CDK13: variants seen among roughly 807,000 people sequenced by gnomAD.
The protein encoded by CDK13 is cyclin-dependent kinase 13.
Under a neutral mutation model 137.6 loss-of-function variants are expected in CDK13, and 40 were observed. The ratio of observed to expected loss-of-function variants is 0.29; its 90% confidence interval spans 0.23 to 0.38. CDK13 has a LOEUF of 0.38. Among genes scored for constraint, CDK13 ranks in the 10% least tolerant of loss-of-function variants. The pLI is 1.00. For missense variants in CDK13, 1,704 were observed against 1,951.8 expected, an observed-to-expected ratio of 0.87 and a Z score of 2.39; for synonymous variants, 869 against 760.1, an observed-to-expected ratio of 1.14 and a Z score of -2.36.
intron 1 of CDK13, among the ~76,000 whole-genome samples, chr7:39,958,913 C>T (rs552350787): frequency 6.6e-6 from 1 of 152,176 alleles, no homozygotes; most frequent in African/African-American, 2.4e-5. Flanking sequence ...TGAGTCTCAC[C>T]AACACTTGGA....
intron 5 of CDK13, among the ~76,000 whole-genome samples, chr7:40,004,757 TAAAC>T (rs1468060003): frequency 5.3e-5 from 8 of 152,120 alleles, no homozygotes; most frequent in Admixed American, 2.6e-4. Flanking sequence ...AAGCAAAAGT[TAAAC>T]AATGTAAATA....
intron 1 of CDK13, among the ~76,000 whole-genome samples, chr7:39,971,481 C>T (rs577143495): frequency 6.6e-6 from 1 of 152,222 alleles, no homozygotes; most frequent in Non-Finnish European, 1.5e-5. Context: ...CTTGCCACTA[C>T]ACTCCAGCCT....
chr7:39,994,456 A>G (rs777579676), intron 2 of CDK13, among the ~76,000 whole-genome samples: 6 of 152,086 alleles, frequency 3.9e-5, no homozygotes, highest in Non-Finnish European at 7.4e-5. Flanking sequence ...ATTTGTCAGT[A>G]TCTTAACTGT....
chr7:39,960,076 CTTT>C (rs11367509), intron 1 of CDK13, among the ~76,000 whole-genome samples: 2 of 139,130 alleles, frequency 1.4e-5, no homozygotes, highest in African/African-American at 2.6e-5. Flanking sequence ...AAAGTTTTTT[CTTT>C]TTTTTTTTTT....
At position 40,085,820 on chromosome 7, in the gene CDK13, T is replaced by C. The variant is rs1786774945; in HGVS notation, c.3030-2306T>C. 2.6e-5 allele frequency: 4 copies of C among 152,724 alleles called. No individual in the cohort carries two copies. In the South Asian group the frequency reaches 8.3e-4, roughly 32 times the overall value. The allele number at this position is 152,724 out of a possible 1,614,324, so 9.5% of individuals were successfully genotyped here. A position where few individuals can be genotyped will look rare whatever the true frequency, so the allele number is the denominator to read the frequency against. On this transcript the variant is annotated intron_variant, in intron 11 of 13. Transcript: ENST00000181839. ...ATCATAATCCTTGTGTCACTCATCA[T>C]TGGTCCATGCATGGCTCTCTTTTAT...
intron 1 of CDK13, among the ~76,000 whole-genome samples, chr7:39,972,706 A>G (rs1404796920): frequency 1.3e-5 from 2 of 152,144 alleles, no homozygotes; most frequent in African/African-American, 2.4e-5. Flanking sequence ...ACATTTTATC[A>G]TTAGTCATGG....
intron 9 of CDK13, among the ~76,000 whole-genome samples, chr7:40,075,226 C>T (rs559244461): frequency 1.3e-5 from 2 of 152,122 alleles, no homozygotes; most frequent in African/African-American, 4.8e-5. Flanking sequence ...TTAGCATATA[C>T]CTTAGTGTAT....
chr7:39,953,268 G>GA (rs1787295388), intron 1 of CDK13, among the ~76,000 whole-genome samples: 1 of 152,206 alleles, frequency 6.6e-6, no homozygotes, highest in African/African-American at 2.4e-5. Flanking sequence ...GCGAAGAATT[G>GA]AAAAACTCAT....
chr7:40,003,204 A>ACTCTCTCT lies in CDK13; in HGVS notation c.2353+1174_2353+1175insTCTCTCTC, dbSNP rs1247909926. On this transcript the variant is annotated intron_variant, in intron 5 of 13. Coordinates refer to ENST00000181839, the MANE Select transcript of CDK13 (RefSeq NM_003718.5). ...CACACACACACACACACACACACACACACTCTCTCTCTCTCTCTCTCTTAC... is the reference window on the plus strand; with the variant it reads ...CACACACACACACACACACACACACACTCTCTCTCACTCTCTCTCTCTCTCTCTCTTAC... 1.6e-3 allele frequency among the ~76,000 whole-genome samples: 128 copies of ACTCTCTCT among 81,220 alleles called. 1 individual carries two copies. The highest frequency in any genetic ancestry group is 5.6e-3 in the Middle Eastern group (1 of 178). The allele number at this position is 81,220 out of a possible 152,430, so 53.3% of individuals were successfully genotyped here.
At chr7:39,972,393 T>A (rs1191617555) in intron 1 of CDK13, among the ~76,000 whole-genome samples, 4 of 152,256 alleles carry the variant, frequency 2.6e-5, no homozygotes. Context: ...AGTCTCTTCA[T>A]AGCTTTGTGT....
intron 12 of CDK13, among the ~76,000 whole-genome samples, chr7:40,089,959 C>T (rs1786885005): frequency 6.6e-6 from 1 of 152,138 alleles, no homozygotes; most frequent in Non-Finnish European, 1.5e-5. Flanking sequence ...TTCTACTTGA[C>T]CTTGGTTCAA....
intron 2 of CDK13, among the ~76,000 whole-genome samples, chr7:39,993,726 A>T (rs1468333240): frequency 6.6e-6 from 1 of 152,026 alleles, no homozygotes. Flanking sequence ...TGATTAATGG[A>T]TACTTAGGTT....
intron 5 of CDK13, among the ~76,000 whole-genome samples, chr7:40,025,194 T>C (rs1318979723): frequency 6.6e-6 from 1 of 152,160 alleles, no homozygotes; most frequent in East Asian, 1.9e-4. Flanking sequence ...TTTTATCTTT[T>C]GGGATACCAC....
chr7:40,002,905 A>AG (rs1466600597), intron 5 of CDK13, among the ~76,000 whole-genome samples: 1 of 151,204 alleles, frequency 6.6e-6, no homozygotes, highest in Non-Finnish European at 1.5e-5. Context: ...TCTCTACAAA[A>AG]AAAAAAAAAA....
intron 11 of CDK13, 152 bp from the exon 12 acceptor site, chr7:40,087,974 G>A (rs1325977314): frequency 1.6e-6 from 1 of 618,462 alleles, no homozygotes; most frequent in African/African-American, 1.8e-5. Flanking sequence ...GGGACAATAA[G>A]GATGATTTTT....
At chr7:40,015,475 G>C (rs1033096846) in intron 5 of CDK13, among the ~76,000 whole-genome samples, 17 of 152,116 alleles carry the variant, frequency 1.1e-4, no homozygotes, top group African/African-American at 4.1e-4. Flanking sequence ...CTGCAAAATG[G>C]GGTAATAATG....
intron 5 of CDK13, among the ~76,000 whole-genome samples, chr7:40,010,794 A>G (rs1784878440): frequency 6.6e-6 from 1 of 152,230 alleles, no homozygotes; most frequent in African/African-American, 2.4e-5. Flanking sequence ...CTGCACTAAA[A>G]AACTGTTAGA....
Position 39,951,193 on chromosome 7 carries a change from C to T in CDK13, c.552C>T (p.Ser184=), listed in dbSNP as rs1293078589. ...GCAGCGGCGGGAGTCCGGCCTCCTC[C>T]TCCGGCACCCAGCGGCGCGGGGAGG... The part of the protein sequence containing the change: ...TGGSGGSPAS[S]SGTQRRGEGS... The change falls in exon 1 of 14, where the codon TCC becomes TCT. Residue 184 remains serine, a synonymous_variant. Transcript: ENST00000181839. 71 of 1,251,096 alleles carry T rather than the reference C, an allele frequency of 5.7e-5. No individual in the cohort carries two copies. The highest frequency in any genetic ancestry group is 6.8e-5 in the Non-Finnish European group (68 of 1,000,292). The allele number at this position is 1,251,096 out of a possible 1,614,324, so 77.5% of individuals were successfully genotyped here.
chr7:40,003,762 G>A (rs1422203877), intron 5 of CDK13, among the ~76,000 whole-genome samples: 1 of 151,984 alleles, frequency 6.6e-6, no homozygotes, highest in East Asian at 1.9e-4. Context: ...TCCCATCTAT[G>A]CCATTTTGAT....
Sources: allele counts gnomAD v4.1 joint callset (sites outside exome capture counted in the v4.1 genomes callset), GRCh38; gene constraint gnomAD v4.1.1; transcripts MANE v1.5; gene names NCBI Gene and HGNC (gene_info 2026-07-23, HGNC 2026-07-21).